Variants in SGCD observed in about 807,000 individuals in gnomAD.
SGCD encodes the protein sarcoglycan delta.
In SGCD, 18 loss-of-function variants were observed where a neutral mutation model predicts 36.6. The ratio of observed to expected loss-of-function variants is 0.49; its 90% CI spans 0.34 to 0.73. SGCD has a LOEUF of 0.73. Ranked by LOEUF, SGCD falls within the 30% of genes least tolerant of loss-of-function variation. SGCD has a pLI of 0.01. For missense variants in SGCD, 387 were observed against 346.7 expected (o/e 1.12, Z -0.92); for synonymous variants, 133 against 130.6 (o/e 1.02, Z -0.12).
chr5:156,287,099 A>T (rs976476802), intron 3 of SGCD, among the ~76,000 whole-genome samples: 5 of 152,194 alleles, frequency 3.3e-5, no homozygotes, highest in Non-Finnish European at 7.3e-5. Flanking sequence ...AACAAGTGTT[A>T]TCAGGGCTTG....
rs140553415 is a variant in SGCD at position 156,245,868 on chromosome 5, G to A, written c.-43-83666G>A. On this transcript the variant is annotated intron_variant, in intron 3 of 9. Coordinates refer to the SGCD transcript ENST00000517913. The stretch of plus-strand genomic sequence containing the variant: ...GTGCATTACAAATTGTACAAAATAT[G>A]GGCCTTCCACTGGCTCTCAAGAAAA... 1.0e-3 allele frequency among the ~76,000 whole-genome samples: 159 copies of A among 152,158 alleles called. 1 individual carries two copies. The highest frequency in any genetic ancestry group is 3.7e-3 in the African/African-American group (154 of 41,530).
chr5:155,839,671 T>C, the SGCD span, among the ~76,000 whole-genome samples: 1 of 152,240 alleles, frequency 6.6e-6, no homozygotes, highest in Non-Finnish European at 1.5e-5. Flanking sequence ...TATTTACTCA[T>C]TTATTTATTT....
intron 3 of SGCD, among the ~76,000 whole-genome samples, chr5:156,494,925 C>T (rs1756116113): frequency 1.3e-5 from 2 of 152,248 alleles, no homozygotes; most frequent in Admixed American, 6.5e-5. Context: ...TATTGGACCT[C>T]CAGTCTTAAG....
chr5:155,980,709 T>G (rs1205747114), intron 1 of SGCD, among the ~76,000 whole-genome samples: 1 of 150,488 alleles, frequency 6.6e-6, no homozygotes, highest in East Asian at 2.0e-4. Flanking sequence ...GAACTTTGTT[T>G]TGGTAACTCC....
intron 1 of SGCD, among the ~76,000 whole-genome samples, chr5:155,893,645 A>G (rs1422470579): frequency 6.6e-6 from 1 of 152,246 alleles, no homozygotes; most frequent in Non-Finnish European, 1.5e-5. Flanking sequence ...CTTACCTGAC[A>G]TCTTTAGTTT....
At chr5:156,302,874 G>A (rs1767089361) in intron 3 of SGCD, among the ~76,000 whole-genome samples, 1 of 152,150 alleles carries the variant, frequency 6.6e-6, no homozygotes, top group South Asian at 2.1e-4. Flanking sequence ...GGTTATACAA[G>A]CACCACTGTG....
chr5:155,732,682 C>T, the SGCD span, among the ~76,000 whole-genome samples: 1 of 152,180 alleles, frequency 6.6e-6, no homozygotes, highest in African/African-American at 2.4e-5. Context: ...AGTTGCTGGA[C>T]TCCCCTAAAG....
At chr5:156,209,932 C>T (rs905920470) in intron 3 of SGCD, among the ~76,000 whole-genome samples, 1 of 152,192 alleles carries the variant, frequency 6.6e-6, no homozygotes, top group African/African-American at 2.4e-5. Context: ...GCACAATGGG[C>T]TCAGATCCCA....
At chr5:155,942,439 G>T (rs918665465) in intron 1 of SGCD, among the ~76,000 whole-genome samples, 1 of 151,986 alleles carries the variant, frequency 6.6e-6, no homozygotes, top group Non-Finnish European at 1.5e-5. Context: ...TTTGAAAACA[G>T]AATTTGGGGC....
intron 3 of SGCD, among the ~76,000 whole-genome samples, chr5:156,171,050 G>T (rs1763333204): frequency 6.6e-6 from 1 of 152,160 alleles, no homozygotes; most frequent in Non-Finnish European, 1.5e-5. Flanking sequence ...CTGTCGACAT[G>T]ATTTTTTTTT....
At chr5:155,766,491 G>A in the SGCD span, among the ~76,000 whole-genome samples, 1 of 152,232 alleles carries the variant, frequency 6.6e-6, no homozygotes, top group East Asian at 1.9e-4. Context: ...CCAATATTGA[G>A]TGAGAATGAT....
At chr5:155,746,171 AC>A in the SGCD span, among the ~76,000 whole-genome samples, 2 of 152,238 alleles carry the variant, frequency 1.3e-5, no homozygotes, top group African/African-American at 4.8e-5. Context: ...ACAACTGCAT[AC>A]ACTAACCTAA....
chr5:155,968,872 GGTGCATACAGCAATATATA>G (rs1757953954), intron 1 of SGCD, among the ~76,000 whole-genome samples: 3 of 151,990 alleles, frequency 2.0e-5, no homozygotes, highest in Admixed American at 2.0e-4. Context: ...TATATTAGCT[GGTGCATACAGCAATATATA>G]GTTTTGTTTT....
At chr5:156,194,658 A>G (rs1763977981) in intron 3 of SGCD, among the ~76,000 whole-genome samples, 1 of 152,044 alleles carries the variant, frequency 6.6e-6, no homozygotes, top group African/African-American at 2.4e-5. Context: ...AATTAATATT[A>G]TAATATAATT....
At chr5:155,793,120 G>A in the SGCD span, among the ~76,000 whole-genome samples, 2 of 152,188 alleles carry the variant, frequency 1.3e-5, no homozygotes, top group Non-Finnish European at 2.9e-5. Flanking sequence ...GAATGCAGCT[G>A]GAGGCCATTA....
At chr5:155,890,643 G>GATAT (rs1405822037) in intron 1 of SGCD, among the ~76,000 whole-genome samples, 1 of 141,230 alleles carries the variant, frequency 7.1e-6, no homozygotes, top group Non-Finnish European at 1.5e-5. Flanking sequence ...ACAGATGATA[G>GATAT]ATAGATAGAT....
chr5:156,474,445 C>T (rs1186785956), intron 3 of SGCD, among the ~76,000 whole-genome samples: 3 of 152,154 alleles, frequency 2.0e-5, no homozygotes, highest in African/African-American at 7.2e-5. Flanking sequence ...GTAGCTTGTA[C>T]TGACTCCTTA....
intron 3 of SGCD, among the ~76,000 whole-genome samples, chr5:156,154,043 C>A (rs2127615913): frequency 6.6e-6 from 1 of 151,638 alleles, no homozygotes; most frequent in South Asian, 2.1e-4. Context: ...CTTTGCCTGC[C>A]CCTTGTTCCC....
rs566589290 is a variant in SGCD at position 156,349,886 on chromosome 5, A to C, written c.192+5209A>C. ...TGAGTGGATAAGGAAAATGTGATAT[A>C]CATACACCATCAGCCATAAAAAAGA... On this transcript the variant is annotated intron_variant, in intron 3 of 8. Transcript: ENST00000337851. Among the ~76,000 whole-genome samples the C allele has an allele frequency of 3.0e-4, 46 of 152,210 alleles. No individual in the cohort carries two copies. In the South Asian group the frequency reaches 8.5e-3, roughly 28 times the overall value.
Sources: allele counts gnomAD v4.1 joint callset (sites outside exome capture counted in the v4.1 genomes callset), GRCh38; gene constraint gnomAD v4.1.1; transcripts MANE v1.5; gene names NCBI Gene and HGNC (gene_info 2026-07-23, HGNC 2026-07-21).